The following ERI3 variants were observed in gnomAD, a reference collection of about 807,000 sequenced individuals.
ERI3 encodes the protein ERI1 exoribonuclease 3.
Under a neutral mutation model 44.4 loss-of-function variants are expected in ERI3, and 18 were observed. That is an observed-to-expected ratio of 0.41 (90% CI 0.28 to 0.60). The LOEUF (loss-of-function observed/expected upper bound fraction) is 0.60, where lower values mean the gene tolerates loss of function less well. ERI3 is among the 20% of genes least tolerant of loss of function. The pLI, the probability that ERI3 is intolerant of heterozygous loss-of-function variation, is 0.36. For missense variants in ERI3, 294 were observed against 435.5 expected (o/e 0.68, Z 2.89); for synonymous variants, 183 against 164.8 (o/e 1.11, Z -0.84).
At chr1:44,338,948 A>C in intron 3 of ERI3, 97 bp downstream of exon 3, 1 of 1,399,470 alleles carries the variant, frequency 7.1e-7, no homozygotes, top group Non-Finnish European at 9.9e-7. Flanking sequence ...AAAGACAGGA[A>C]GGCATGAGAA....
intron 7 of ERI3, among the ~76,000 whole-genome samples, chr1:44,249,438 T>C (rs1361017174): frequency 1.3e-5 from 2 of 152,262 alleles, no homozygotes; most frequent in East Asian, 3.9e-4. Context: ...ACAGTGTCTG[T>C]GCCAGGGCCC....
chr1:44,353,084 T>C (rs1646929220), intron 1 of ERI3, 159 bp from the exon 2 acceptor site: 21 of 985,288 alleles, frequency 2.1e-5, no homozygotes, highest in Non-Finnish European at 2.4e-5. Context: ...AAACTATTAG[T>C]ACTACATTTG....
chr1:44,269,951 G>A lies in ERI3; in HGVS notation c.831+14884C>T, dbSNP rs114944869. On this transcript the variant is annotated intron_variant, in intron 7 of 8. Coordinates refer to ENST00000372257, the MANE Select transcript of ERI3 (RefSeq NM_024066.3). Reference sequence around the variant, plus strand: ...ATCCAACACAGATGGCATCAACTGGGGCTCAATGCATTGGTGTTCTATTAT... The same window carrying A: ...ATCCAACACAGATGGCATCAACTGGAGCTCAATGCATTGGTGTTCTATTAT... Among the ~76,000 whole-genome samples, 1,140 of 152,242 alleles carry A rather than the reference G, an allele frequency of 7.5e-3. 9 individuals carry two copies. The highest frequency in any genetic ancestry group is 0.025 in the African/African-American group (1,057 of 41,532).
chr1:44,232,754 T>C (rs1185905100), intron 8 of ERI3, among the ~76,000 whole-genome samples: 1 of 152,234 alleles, frequency 6.6e-6, no homozygotes, highest in African/African-American at 2.4e-5. Flanking sequence ...CATTTCCTTT[T>C]GTTTCACCGG....
chr1:44,291,454 G>A (rs577633845), intron 6 of ERI3, among the ~76,000 whole-genome samples: 6 of 152,296 alleles, frequency 3.9e-5, no homozygotes, highest in Admixed American at 3.9e-4. Flanking sequence ...GCCATTGCAG[G>A]TTTGGTCTCA....
intron 7 of ERI3, among the ~76,000 whole-genome samples, chr1:44,257,123 G>A (rs895112255): frequency 6.6e-6 from 1 of 152,020 alleles, no homozygotes; most frequent in African/African-American, 2.4e-5. Context: ...CACCACCCCC[G>A]GCTCCAATAA....
chr1:44,305,935 G>A (rs1572234043), intron 6 of ERI3, among the ~76,000 whole-genome samples: 1 of 152,302 alleles, frequency 6.6e-6, no homozygotes, highest in African/African-American at 2.4e-5. Context: ...CCCTTGTCAG[G>A]CTCATCTGCA....
Position 44,284,927 on chromosome 1 carries a change from G to A in ERI3, c.759-20C>T. On this transcript the variant is annotated intron_variant, in intron 6 of 8. Coordinates refer to ENST00000372257, the MANE Select transcript of ERI3 (RefSeq NM_024066.3). ...GGGAGCCTACAAAAAAAAGGGAAGA[G>A]AGAACAAGTTGGGCGCATCCATGTC... 6.2e-7 allele frequency: 1 copy of A among 1,611,226 alleles called. No individual in the cohort carries two copies. The highest frequency in any genetic ancestry group is 1.1e-5 in the South Asian group (1 of 90,990).
chr1:44,232,837 C>T (rs1164933536), intron 8 of ERI3, among the ~76,000 whole-genome samples: 1 of 152,090 alleles, frequency 6.6e-6, no homozygotes, highest in Non-Finnish European at 1.5e-5. Context: ...TAGGTACACA[C>T]TGATTATTAT....
At chr1:44,326,205 A>G (rs1409888565) in intron 3 of ERI3, among the ~76,000 whole-genome samples, 1 of 152,246 alleles carries the variant, frequency 6.6e-6, no homozygotes, top group African/African-American at 2.4e-5. Flanking sequence ...AAAGCAACAC[A>G]TACCACAAGG....
At chr1:44,329,669 T>G (rs1405929092) in intron 3 of ERI3, among the ~76,000 whole-genome samples, 1 of 152,156 alleles carries the variant, frequency 6.6e-6, no homozygotes, top group Non-Finnish European at 1.5e-5. Context: ...CATCACTACC[T>G]ACCTCCTCTA....
intron 4 of ERI3, among the ~76,000 whole-genome samples, chr1:44,314,235 T>C (rs544553354): frequency 6.6e-6 from 1 of 152,220 alleles, no homozygotes. Flanking sequence ...AATTGCTGGC[T>C]CTAAAAGGGA....
At chr1:44,313,490 T>C (rs1189630101) in intron 4 of ERI3, among the ~76,000 whole-genome samples, 3 of 152,214 alleles carry the variant, frequency 2.0e-5, no homozygotes, top group Non-Finnish European at 4.4e-5. Context: ...CTCACACCTG[T>C]TTCCACAAGG....
intron 6 of ERI3, among the ~76,000 whole-genome samples, chr1:44,305,027 A>G (rs1438296987): frequency 1.3e-5 from 2 of 152,058 alleles, no homozygotes; most frequent in Non-Finnish European, 2.9e-5. Flanking sequence ...TCCACCAGAG[A>G]ACAGCATCTG....
At chr1:44,352,037 T>C (rs900750216) in intron 2 of ERI3, among the ~76,000 whole-genome samples, 8 of 152,164 alleles carry the variant, frequency 5.3e-5, no homozygotes, top group Admixed American at 2.6e-4. Context: ...CCCATGAATT[T>C]GTAAGCTCTA....
intron 7 of ERI3, among the ~76,000 whole-genome samples, chr1:44,278,561 G>A (rs1335099707): frequency 1.3e-5 from 2 of 151,744 alleles, no homozygotes; most frequent in African/African-American, 4.8e-5. Flanking sequence ...CACCAACTCA[G>A]GCTGTACTAA....
chr1:44,298,831 T>C (rs150890752), intron 6 of ERI3, among the ~76,000 whole-genome samples: 55 of 152,310 alleles, frequency 3.6e-4, no homozygotes, highest in African/African-American at 1.3e-3. Context: ...GGTGAGAGGA[T>C]GACTTGAGCC....
chr1:44,354,785 G>A (rs1456699906), intron 1 of ERI3, 107 bp downstream of exon 1: 2 of 1,278,702 alleles, frequency 1.6e-6, no homozygotes, highest in Non-Finnish European at 2.0e-6. Context: ...TCCAGGGTAA[G>A]CACATGGGCC....
intron 8 of ERI3, among the ~76,000 whole-genome samples, chr1:44,246,489 C>G (rs1370658331): frequency 6.6e-6 from 1 of 152,220 alleles, no homozygotes. Flanking sequence ...GGAGCACCCC[C>G]ACTTCCCCAG....
Sources: allele counts gnomAD v4.1 joint callset (sites outside exome capture counted in the v4.1 genomes callset), GRCh38; gene constraint gnomAD v4.1.1; transcripts MANE v1.5; gene names NCBI Gene and HGNC (gene_info 2026-07-23, HGNC 2026-07-21).